Variants in KIF1B observed in about 807,000 individuals in gnomAD.
KIF1B encodes the protein kinesin-like protein KIF1B.
A neutral mutation model predicts 241.9 loss-of-function variants in KIF1B; 76 were observed. The ratio of observed to expected loss-of-function variants is 0.31; its 90% confidence interval spans 0.26 to 0.38. The LOEUF (loss-of-function observed/expected upper bound fraction) is 0.38, where lower values mean the gene tolerates loss of function less well. Among genes scored for constraint, KIF1B ranks in the 10% least tolerant of loss-of-function variants. The pLI, the probability that KIF1B is intolerant of heterozygous loss-of-function variation, is 1.00. For synonymous variants in KIF1B, 750 were observed against 796.7 expected, an observed-to-expected ratio of 0.94 and a Z score of 0.99; for missense variants, 1,622 against 2,271.4, an observed-to-expected ratio of 0.71 and a Z score of 5.81.
At chr1:10,268,404 C>T (rs1648588653) in intron 7 of KIF1B, 141 bp downstream of exon 7, 1 of 697,622 alleles carries the variant, frequency 1.4e-6, no homozygotes, top group Non-Finnish European at 2.6e-6. Context: ...TATACCTCTG[C>T]TTATCATTTT....
In KIF1B at chr1:10,376,567, C is replaced by T; in HGVS notation, c.5431C>T (p.Pro1811Ser). The T allele has an allele frequency of 1.9e-6, 3 of 1,614,086 alleles. No homozygotes were observed. Among genetic ancestry groups the T allele is most frequent in the Non-Finnish European group, 2.5e-6 (3 of 1,179,956 alleles). Residue 1811 changes from proline to serine, a missense_variant, in exon 49 of 49, where the codon CCG (proline) becomes TCG (serine). Pro to Ser is a moderately conservative substitution (Grantham distance 74). Transcript: ENST00000676179. The part of the protein sequence containing the change: ...TIRSKLSRRC[P>S]SQSKY ...TAGGTCAAAGCTTTCCCGCAGATGCCCGAGCCAGTCGAAATACTAAGTGAC... is the reference window on the plus strand; with the variant it reads ...TAGGTCAAAGCTTTCCCGCAGATGCTCGAGCCAGTCGAAATACTAAGTGAC...
intron 22 of KIF1B, among the ~76,000 whole-genome samples, chr1:10,298,142 AC>A (rs1650361435): frequency 6.6e-6 from 1 of 152,210 alleles, no homozygotes; most frequent in African/African-American, 2.4e-5. Flanking sequence ...AGTATAACTA[AC>A]CTTTGGATAC....
intron 22 of KIF1B, chr1:10,299,067 A>G (rs1251036742): frequency 8.3e-6 from 1 of 120,462 alleles, no homozygotes; most frequent in Non-Finnish European, 1.7e-5. Flanking sequence ...AGCGTTCCAT[A>G]TTTAAAAAAA....
At chr1:10,317,627 C>T (rs764281556) in intron 22 of KIF1B, among the ~76,000 whole-genome samples, 3 of 151,262 alleles carry the variant, frequency 2.0e-5, no homozygotes, top group African/African-American at 4.9e-5. Flanking sequence ...GTAAGGAGTT[C>T]GAGACCAGCC....
intron 1 of KIF1B, chr1:10,227,837 A>G (rs1646929992): frequency 6.5e-6 from 1 of 154,482 alleles, no homozygotes; most frequent in African/African-American, 2.4e-5. Flanking sequence ...AAAAGGTAAC[A>G]TTCTATAATT....
chr1:10,304,460 A>G, intron 22 of KIF1B: 2 of 1,611,158 alleles, frequency 1.2e-6, no homozygotes, highest in South Asian at 1.1e-5. Flanking sequence ...GCAAAGCGCC[A>G]TATTCATCAA....
At chr1:10,242,036 G>A (rs1647144519) in intron 2 of KIF1B, among the ~76,000 whole-genome samples, 1 of 152,156 alleles carries the variant, frequency 6.6e-6, no homozygotes, top group African/African-American at 2.4e-5. Flanking sequence ...GTTCTTAGTT[G>A]TGGTGTTTAG....
chr1:10,311,502 C>T lies in KIF1B; in HGVS notation c.2116-8541C>T, dbSNP rs187198410. On this transcript the variant is annotated intron_variant, in intron 22 of 48. Coordinates refer to ENST00000676179, the MANE Select transcript of KIF1B (RefSeq NM_001365951.3). ...TGCTGGGATTACGGGTGTGAGCCAC[C>T]GCTCCAGGCCCCATTTTTTCTTTTC... 7.1e-4 allele frequency among the ~76,000 whole-genome samples: 107 copies of T among 151,344 alleles called. 3 individuals are homozygous for T. Among genetic ancestry groups the T allele is most frequent in the African/African-American group, 1.9e-3 (76 of 40,744 alleles).
At chr1:10,340,088 C>A (rs1054554467) in intron 32 of KIF1B, among the ~76,000 whole-genome samples, 1 of 152,188 alleles carries the variant, frequency 6.6e-6, no homozygotes, top group East Asian at 1.9e-4. Context: ...CCAATAAAAT[C>A]TTCCATCAGT....
At chr1:10,287,448 C>T (rs1195260737) in intron 15 of KIF1B, among the ~76,000 whole-genome samples, 2 of 152,080 alleles carry the variant, frequency 1.3e-5, no homozygotes, top group Non-Finnish European at 2.9e-5. Flanking sequence ...TTTCTTATCT[C>T]GTGAATGGTT....
rs1262957429 is a variant in KIF1B, at chr1:10,326,267, C to G, written c.2832C>G (p.Gly944=). The G allele has an allele frequency of 6.2e-7, 1 of 1,614,186 alleles. No individual in the cohort carries two copies. Among genetic ancestry groups the G allele is most frequent in the South Asian group, 1.1e-5 (1 of 91,080 alleles). ...ATGAGGCATTCGTGGATGACGCCGGCTCTGACGCAGGGACGGAGGAGGGAT... is the reference window on the plus strand; with the variant it reads ...ATGAGGCATTCGTGGATGACGCCGGGTCTGACGCAGGGACGGAGGAGGGAT... ...FDDEAFVDDA[G]SDAGTEEGSD... Residue 944 remains glycine (G), a synonymous_variant, in exon 27 of 49, where the codon GGC becomes GGG. Coordinates refer to ENST00000676179, the MANE Select transcript of KIF1B (RefSeq NM_001365951.3). This position sits in a 1 kb window ranked among gnomAD's most constrained non-coding sequence, Gnocchi z 5.2.
chr1:10,348,640 A>C lies in KIF1B; in HGVS notation c.3865-9A>C. The C allele has an allele frequency of 6.2e-7, 1 of 1,612,720 alleles. No individual in the cohort carries two copies. Among genetic ancestry groups the C allele is most frequent in the Non-Finnish European group, 8.5e-7 (1 of 1,178,728 alleles). Reference sequence around the variant, plus strand: ...TTCAGCTAAATTGCAACCCTGCTTCATTACCTAGGGCATCCAGCGAAGGAT... The same window carrying C: ...TTCAGCTAAATTGCAACCCTGCTTCCTTACCTAGGGCATCCAGCGAAGGAT... On this transcript the variant is annotated splice_polypyrimidine_tract_variant and intron_variant, in intron 36 of 48. Transcript: ENST00000676179.
At chr1:10,329,547 A>T (rs746610379) in intron 27 of KIF1B, among the ~76,000 whole-genome samples, 16 of 152,194 alleles carry the variant, frequency 1.1e-4, no homozygotes, top group Non-Finnish European at 1.6e-4. Context: ...AGCCTGGCCA[A>T]CATGGTGAAA....
intron 37 of KIF1B, among the ~76,000 whole-genome samples, chr1:10,349,416 C>T (rs926652469): frequency 1.3e-5 from 2 of 149,664 alleles, no homozygotes; most frequent in Non-Finnish European, 3.0e-5. Context: ...GCCTGGACAA[C>T]AGAGTGGGAC....
intron 22 of KIF1B, among the ~76,000 whole-genome samples, chr1:10,317,694 G>A (rs765578148): frequency 6.6e-5 from 10 of 151,092 alleles, no homozygotes; most frequent in African/African-American, 2.5e-4. Context: ...AGCCAGGCAC[G>A]GTGGCGTGCA....
intron 23 of KIF1B, among the ~76,000 whole-genome samples, chr1:10,321,090 CAG>C (rs1399542792): frequency 6.6e-6 from 1 of 150,600 alleles, no homozygotes; most frequent in Non-Finnish European, 1.5e-5. Context: ...TACAATGTAA[CAG>C]AGGTCAGGAG....
chr1:10,264,213 A>G (rs563190442), intron 5 of KIF1B, among the ~76,000 whole-genome samples: 19 of 152,268 alleles, frequency 1.2e-4, no homozygotes, highest in African/African-American at 4.6e-4. Flanking sequence ...GTTGTTTATT[A>G]TCAGTATCCC....
intron 22 of KIF1B, among the ~76,000 whole-genome samples, chr1:10,314,578 TC>T (rs1248904367): frequency 1.3e-5 from 2 of 151,288 alleles, no homozygotes; most frequent in African/African-American, 4.9e-5. Flanking sequence ...CTCCACTAAG[TC>T]CGGCTAATTT....
chr1:10,294,986 G>C, intron 17 of KIF1B, 100 bp from the exon 18 acceptor site: 1 of 812,310 alleles, frequency 1.2e-6, no homozygotes, highest in Non-Finnish European at 2.2e-6. Context: ...TCTAGGCTCT[G>C]TGGAGAGTTG....
Sources: gnomAD v4.1 joint callset for allele counts (sites outside exome capture counted in the v4.1 genomes callset) on GRCh38, gnomAD v4.1.1 for gene constraint, Gnocchi (gnomAD v3.1) non-coding constraint, MANE v1.5 for transcripts, NCBI Gene and HGNC (gene_info 2026-07-23, HGNC 2026-07-21) for gene names.